KCTD8: variants seen among roughly 807,000 people sequenced by gnomAD.
KCTD8 encodes potassium channel tetramerization domain containing 8, also known as BTB/POZ domain-containing protein KCTD8.
In KCTD8, 27 loss-of-function variants were observed where a neutral mutation model predicts 31.5. That is an observed-to-expected ratio of 0.86 (90% CI 0.63 to 1.18). KCTD8 has a LOEUF of 1.18. KCTD8 is among the 50% of genes most tolerant of loss of function. The pLI is 0.00. For missense variants in KCTD8, 658 were observed against 647.7 expected, an observed-to-expected ratio of 1.02 and a Z score of -0.17; for synonymous variants, 290 against 280.0, an observed-to-expected ratio of 1.04 and a Z score of -0.36.
At chr4:44,218,993 G>A (rs1714731152) in intron 1 of KCTD8, among the ~76,000 whole-genome samples, 1 of 152,078 alleles carries the variant, frequency 6.6e-6, no homozygotes, top group Non-Finnish European at 1.5e-5. Flanking sequence ...GCAAAGCATG[G>A]CACCATCCTT....
chr4:44,184,081 C>T, intron 1 of KCTD8, among the ~76,000 whole-genome samples: 1 of 152,212 alleles, frequency 6.6e-6, no homozygotes, highest in Non-Finnish European at 1.5e-5. Flanking sequence ...CATGTGCACA[C>T]ACACCTGCAC....
At chr4:44,232,595 G>A (rs1200740761) in intron 1 of KCTD8, among the ~76,000 whole-genome samples, 1 of 152,118 alleles carries the variant, frequency 6.6e-6, no homozygotes, top group Non-Finnish European at 1.5e-5. Flanking sequence ...ATTCAGCAGT[G>A]TTTGTACTTC....
Position 44,383,518 on chromosome 4 carries a change from A to T in KCTD8, c.961+64045T>A, listed in dbSNP as rs561641870. On this transcript the variant is annotated intron_variant, in intron 1 of 1. Transcript: ENST00000360029. ...GAACTCATAAAAAAATCACATATTTACAGCCAAGTGATTTTCAACAACAGT... is the reference window on the plus strand; with the variant it reads ...GAACTCATAAAAAAATCACATATTTTCAGCCAAGTGATTTTCAACAACAGT... 2.6e-5 allele frequency among the ~76,000 whole-genome samples: 4 copies of T among 152,168 alleles called. No homozygotes were observed. The South Asian group carries it at 8.3e-4, about 32-fold the overall frequency.
At chr4:44,289,421 T>C (rs1339992802) in intron 1 of KCTD8, among the ~76,000 whole-genome samples, 1 of 152,034 alleles carries the variant, frequency 6.6e-6, no homozygotes, top group African/African-American at 2.4e-5. Context: ...ATTATTAAAG[T>C]ACAATAAGGG....
intron 1 of KCTD8, among the ~76,000 whole-genome samples, chr4:44,320,660 G>C (rs1015310414): frequency 1.3e-4 from 19 of 151,988 alleles, no homozygotes; most frequent in African/African-American, 4.6e-4. Flanking sequence ...TTTCAGGAAA[G>C]GTTTCAAAAT....
intron 1 of KCTD8, among the ~76,000 whole-genome samples, chr4:44,192,175 C>T (rs1372745311): frequency 6.6e-6 from 1 of 152,168 alleles, no homozygotes; most frequent in Admixed American, 6.5e-5. Context: ...TTTTAATGCA[C>T]ATTTCTAGTT....
chr4:44,252,493 TC>T (rs1174213428), intron 1 of KCTD8, among the ~76,000 whole-genome samples: 4 of 151,804 alleles, frequency 2.6e-5, no homozygotes, highest in African/African-American at 9.7e-5. Flanking sequence ...GTAGAAGTGT[TC>T]CCTTTTCACT....
chr4:44,376,875 G>A (rs1719927061), intron 1 of KCTD8, among the ~76,000 whole-genome samples: 1 of 152,110 alleles, frequency 6.6e-6, no homozygotes. Context: ...GTAACATGCA[G>A]AAGCAGCAAG....
At chr4:44,377,617 C>T (rs774384984) in intron 1 of KCTD8, among the ~76,000 whole-genome samples, 7 of 152,144 alleles carry the variant, frequency 4.6e-5, no homozygotes, top group Non-Finnish European at 1.0e-4. Flanking sequence ...CCTGCGGCGT[C>T]CAGGACACAA....
chr4:44,195,005 A>G (rs113197986), intron 1 of KCTD8, among the ~76,000 whole-genome samples: 5 of 150,424 alleles, frequency 3.3e-5, no homozygotes, highest in Non-Finnish European at 5.9e-5. Context: ...ACAGGCATGT[A>G]CCACCACGCC....
intron 1 of KCTD8, among the ~76,000 whole-genome samples, chr4:44,318,752 G>C (rs1718211156): frequency 6.6e-6 from 1 of 152,160 alleles, no homozygotes; most frequent in Non-Finnish European, 1.5e-5. Flanking sequence ...CTACATGTGG[G>C]CTGGAGATAG....
At chr4:44,445,368 T>C (rs927131141) in intron 1 of KCTD8, among the ~76,000 whole-genome samples, 4 of 152,178 alleles carry the variant, frequency 2.6e-5, no homozygotes, top group African/African-American at 2.4e-5. Flanking sequence ...TCTCCCAAAA[T>C]AGGTTGCCTC....
intron 1 of KCTD8, among the ~76,000 whole-genome samples, chr4:44,365,480 A>G (rs974618397): frequency 6.6e-6 from 1 of 152,314 alleles, no homozygotes; most frequent in Admixed American, 6.5e-5. Flanking sequence ...ATGAATTCAC[A>G]AAAATGAATG....
Position 44,448,082 on chromosome 4 carries a change from G to A in KCTD8, c.442C>T (p.Pro148Ser). 1 of 1,612,612 alleles carries A rather than the reference G, an allele frequency of 6.2e-7. No individual in the cohort carries two copies. The highest frequency in any genetic ancestry group is 1.7e-5 in the Admixed American group (1 of 60,004). The change falls in exon 1 of 2, where the codon CCC becomes TCC. Residue 148 changes from proline (P) to serine (S), a missense_variant. Physicochemically the swap from Pro to Ser is moderately conservative, Grantham distance 74. Transcript: ENST00000360029. This position sits in a 1 kb window ranked among gnomAD's most constrained non-coding sequence, Gnocchi z 4.1. ...AGAGAGTTCTGCTTGGTGACCTTGG[G>A]CGACAGCAGCTTGACCAAGTCGGTG... ...QLTDLVKLLS[P>S]KVTKQNSLND...
chr4:44,329,178 G>A lies in KCTD8; in HGVS notation c.961+118385C>T, dbSNP rs113581145. 8.1e-3 allele frequency among the ~76,000 whole-genome samples: 1,195 copies of A among 147,408 alleles called. 29 individuals are homozygous for A. The highest frequency in any genetic ancestry group is 0.028 in the African/African-American group (1,114 of 39,936). On this transcript the variant is annotated intron_variant, in intron 1 of 1. Transcript: ENST00000360029. ...AATCCTCCACTTTTTTTTTTTTTACGATAAAAAACAACCTCGCTGGGGTTT... is the reference window on the plus strand; with the variant it reads ...AATCCTCCACTTTTTTTTTTTTTACAATAAAAAACAACCTCGCTGGGGTTT...
intron 1 of KCTD8, among the ~76,000 whole-genome samples, chr4:44,216,640 T>C (rs1714658973): frequency 6.6e-6 from 1 of 152,166 alleles, no homozygotes; most frequent in South Asian, 2.1e-4. Flanking sequence ...AAATGTTTTC[T>C]GTTATTGCAA....
intron 1 of KCTD8, among the ~76,000 whole-genome samples, chr4:44,375,406 G>A (rs1317735651): frequency 6.6e-6 from 1 of 152,038 alleles, no homozygotes; most frequent in African/African-American, 2.4e-5. Flanking sequence ...GAAATGAAGG[G>A]GGTGGAGGAA....
chr4:44,400,728 CAAA>C (rs34000545), intron 1 of KCTD8, among the ~76,000 whole-genome samples: 7 of 100,130 alleles, frequency 7.0e-5, no homozygotes, highest in Non-Finnish European at 9.9e-5. Context: ...GACTCTGTCT[CAAA>C]AAAAAAAAAA....
At chr4:44,303,636 CA>C (rs2109394150) in intron 1 of KCTD8, among the ~76,000 whole-genome samples, 1 of 151,960 alleles carries the variant, frequency 6.6e-6, no homozygotes, top group African/African-American at 2.4e-5. Context: ...GGCAACATAG[CA>C]AAATCCCATC....
Sources: allele counts gnomAD v4.1 joint callset (sites outside exome capture counted in the v4.1 genomes callset), GRCh38; gene constraint gnomAD v4.1.1; non-coding constraint Gnocchi (gnomAD v3.1); transcripts MANE v1.5; gene names NCBI Gene and HGNC (gene_info 2026-07-23, HGNC 2026-07-21).